The following SREBF1 variants were observed in gnomAD, a reference collection of about 807,000 sequenced individuals.
SREBF1 encodes sterol regulatory element-binding protein 1.
SREBF1 carries 45 observed loss-of-function variants against 100.1 expected under a neutral mutation model. That is an observed-to-expected ratio of 0.45 (90% CI 0.35 to 0.58). SREBF1 has a LOEUF of 0.58. Among genes scored for constraint, SREBF1 ranks in the 20% least tolerant of loss-of-function variants. The pLI is 0.00. For synonymous variants in SREBF1, 657 were observed against 681.8 expected (o/e 0.96, Z 0.57); for missense variants, 1,324 against 1,539.4 (o/e 0.86, Z 2.34).
Position 17,817,315 on chromosome 17 carries a change from G to A in SREBF1, c.1547C>T (p.Ser516Leu). 6.2e-7 allele frequency: 1 copy of A among 1,606,030 alleles called. No individual in the cohort carries two copies. Among genetic ancestry groups the A allele is most frequent in the Non-Finnish European group, 8.5e-7 (1 of 1,177,362 alleles). ...GCTATGGTAGACGCTGGTGGTATCT[G>A]AGGGGCTGGGAAGCCCCCGGGCCCC... ...LLGARGLPSPSDTTSVYHSPG... is the reference protein window; with the variant it reads ...LLGARGLPSPLDTTSVYHSPG... Residue 516 changes from serine (S) to leucine (L), a missense_variant, in exon 8 of 19, where the codon TCA (serine) becomes TTA (leucine). Coordinates refer to ENST00000261646, the MANE Select transcript of SREBF1 (RefSeq NM_004176.5). This position sits in a 1 kb window ranked among gnomAD's most constrained non-coding sequence, Gnocchi z 6.6.
chr17:17,818,776 A>C, intron 5 of SREBF1: 1 of 605,422 alleles, frequency 1.7e-6, no homozygotes, highest in East Asian at 2.8e-5. Flanking sequence ...TTGAGGGACA[A>C]TTTTTGTCTG....
chr17:17,831,596 T>G (rs1429176742), intron 1 of SREBF1, among the ~76,000 whole-genome samples: 1 of 152,140 alleles, frequency 6.6e-6, no homozygotes, highest in Non-Finnish European at 1.5e-5. Flanking sequence ...TCTTCTGCAC[T>G]CATAAGCTTG....
In SREBF1 at chr17:17,813,689, G is replaced by T; in HGVS notation, c.2982C>A (p.Ala994=). 1 of 1,540,144 alleles carries T rather than the reference G, an allele frequency of 6.5e-7. No individual in the cohort carries two copies. The highest frequency in any genetic ancestry group is 8.7e-7 in the Non-Finnish European group (1 of 1,149,310). ...LWRQQQPPAP[A]PAAQGTSSRP... Reference sequence around the variant, plus strand: ...TGCTGCTGGTGCCCTGGGCTGCTGGGGCCGGGGCCGGGGGCTGCTGCTGCC... The same window carrying T: ...TGCTGCTGGTGCCCTGGGCTGCTGGTGCCGGGGCCGGGGGCTGCTGCTGCC... Residue 994 remains alanine, a synonymous_variant, in exon 17 of 19, where the codon GCC becomes GCA. Coordinates refer to ENST00000261646, the MANE Select transcript of SREBF1 (RefSeq NM_004176.5).
chr17:17,831,687 G>T lies in SREBF1; in HGVS notation c.91+5040C>A, dbSNP rs150790448. 5.2e-3 allele frequency among the ~76,000 whole-genome samples: 788 copies of T among 152,214 alleles called. 9 individuals are homozygous for T. Among genetic ancestry groups the T allele is most frequent in the African/African-American group, 0.018 (746 of 41,532 alleles). ...ACAATAATCCCCAACACAGGTACAGGGCCATCTCCTGATCCATCCTCCCCC... is the reference window on the plus strand; with the variant it reads ...ACAATAATCCCCAACACAGGTACAGTGCCATCTCCTGATCCATCCTCCCCC... On this transcript the variant is annotated intron_variant, in intron 1 of 18. Coordinates refer to ENST00000261646, the MANE Select transcript of SREBF1 (RefSeq NM_004176.5).
In SREBF1 at chr17:17,817,382, C is replaced by G. The variant is rs1368020668; in HGVS notation, c.1480G>C (p.Val494Leu). Residue 494 changes from valine (V) to leucine (L), a missense_variant, in exon 8 of 19, where the codon GTC (valine) becomes CTC (leucine). By Grantham distance (32) the Val-to-Leu change is conservative (BLOSUM62 1). Coordinates refer to ENST00000261646, the MANE Select transcript of SREBF1 (RefSeq NM_004176.5). The surrounding 1 kb of genome is among the most constrained non-coding windows in gnomAD (Gnocchi z 6.6). ...DRSRLALCTL[V>L]FLCLSCNPLA... Reference sequence around the variant, plus strand: ...GGGTTGCAGGACAGGCAGAGGAAGACGAGCGTGCACAGGGCCAGGCGGGAG... The same window carrying G: ...GGGTTGCAGGACAGGCAGAGGAAGAGGAGCGTGCACAGGGCCAGGCGGGAG... 3.1e-6 allele frequency: 5 copies of G among 1,606,470 alleles called. No homozygotes were observed. In the South Asian group the frequency reaches 5.5e-5, roughly 18 times the overall value.
At chr17:17,833,757 G>A (rs2035051412) in intron 1 of SREBF1, among the ~76,000 whole-genome samples, 1 of 151,986 alleles carries the variant, frequency 6.6e-6, no homozygotes, top group Admixed American at 6.6e-5. Flanking sequence ...GGCTGAGGTG[G>A]GCAGATCACC....
At chr17:17,814,457 C>A in intron 15 of SREBF1, 47 bp from the exon 16 acceptor site, 1 of 1,546,754 alleles carries the variant, frequency 6.5e-7, no homozygotes, top group Non-Finnish European at 8.7e-7. Context: ...AGTCCACAAG[C>A]CCTGGCTGAG....
chr17:17,823,404 G>C, intron 1 of SREBF1: 1 of 852,306 alleles, frequency 1.2e-6, no homozygotes, highest in Non-Finnish European at 2.0e-6. Flanking sequence ...TCTCCCTCGG[G>C]AAGGGGCTCT....
chr17:17,835,116 G>C lies in SREBF1; in HGVS notation c.91+1611C>G, dbSNP rs564729529. Among the ~76,000 whole-genome samples, 9 of 152,258 alleles carry C rather than the reference G, an allele frequency of 5.9e-5. No individual in the cohort carries two copies. In the East Asian group the frequency reaches 1.7e-3, roughly 29 times the overall value. ...GAAACTAAGGTTTAGAGGGTGAGAG[G>C]GCTTGAGCAGGATGACAAAGGAAGT... is the stretch of plus-strand genomic sequence containing the variant. On this transcript the variant is annotated intron_variant, in intron 1 of 18. Transcript: ENST00000261646.
At chr17:17,815,486 G>A (rs925684025) in intron 12 of SREBF1, 157 bp from the exon 13 acceptor site, 16 of 635,880 alleles carry the variant, frequency 2.5e-5, no homozygotes, top group South Asian at 1.1e-4. Context: ...AGGGGAAAGC[G>A]GGTGGACATA....
intron 11 of SREBF1, 45 bp from the exon 12 acceptor site, chr17:17,816,073 G>T: frequency 6.2e-7 from 1 of 1,602,608 alleles, no homozygotes. Flanking sequence ...ACAGCCTGGG[G>T]CCAGACCCCG....
At chr17:17,813,794 G>A (rs982532852) in intron 16 of SREBF1, 25 bp from the exon 17 acceptor site, 5 of 1,534,876 alleles carry the variant, frequency 3.3e-6, no homozygotes, top group Non-Finnish European at 4.4e-6. Context: ...CAGGGCAGGG[G>A]TCACCAGGGC....
At chr17:17,823,046 C>T (rs373442025) in intron 1 of SREBF1, among the ~76,000 whole-genome samples, 11 of 152,206 alleles carry the variant, frequency 7.2e-5, no homozygotes, top group Non-Finnish European at 1.2e-4. Context: ...TGAGCCTCTT[C>T]GATAGATGGG....
In SREBF1 at chr17:17,814,900, C is replaced by A. The variant is rs984183140; in HGVS notation, c.2537G>T (p.Cys846Phe). The A allele has an allele frequency of 6.3e-7, 1 of 1,581,120 alleles. No homozygotes were observed. Among genetic ancestry groups the A allele is most frequent in the East Asian group, 2.3e-5 (1 of 43,664 alleles). The change falls in exon 14 of 19, where the codon TGT (cysteine) becomes TTT (phenylalanine). Residue 846 changes from cysteine to phenylalanine, a missense_variant. Physicochemically the swap from Cys to Phe is radical, Grantham distance 205 (BLOSUM62 -2). Coordinates refer to ENST00000261646, the MANE Select transcript of SREBF1 (RefSeq NM_004176.5). ...ALGYLQLLNS[C>F]SDAAGAPAYS... Reference sequence around the variant, plus strand: ...GGCAGGAGCCCCCGCAGCATCAGAACAGCTGTTCAGCAGCTGCAGGTACCC... The same window carrying A: ...GGCAGGAGCCCCCGCAGCATCAGAAAAGCTGTTCAGCAGCTGCAGGTACCC...
Position 17,812,517 on chromosome 17 carries a change from G to C in SREBF1, c.*105C>G. The C allele has an allele frequency of 8.3e-7, 1 of 1,198,116 alleles. No homozygotes were observed. The highest frequency in any genetic ancestry group is 1.4e-5 in the South Asian group (1 of 73,424). 74.2% of individuals were successfully genotyped at this position (1,198,116 alleles called of 1,614,324 possible). A position where few individuals can be genotyped will look rare whatever the true frequency, so the allele number is the denominator to read the frequency against. On this transcript the variant is annotated 3_prime_UTR_variant, in exon 19 of 19. Coordinates refer to ENST00000261646, the MANE Select transcript of SREBF1 (RefSeq NM_004176.5). Reference sequence around the variant, plus strand: ...GCCGCAGGTCGAACTGTGGAGGCCAGAGTCTCTTGCACTGCCTTCGGCCTT... The same window carrying C: ...GCCGCAGGTCGAACTGTGGAGGCCACAGTCTCTTGCACTGCCTTCGGCCTT...
intron 1 of SREBF1, among the ~76,000 whole-genome samples, chr17:17,831,846 G>T (rs955496708): frequency 2.6e-5 from 4 of 152,204 alleles, no homozygotes; most frequent in Admixed American, 2.6e-4. Context: ...ACTCATGGAG[G>T]CAGCTCCATC....
chr17:17,814,489 G>C (rs575287529), intron 15 of SREBF1, 79 bp from the exon 16 acceptor site: 32 of 1,539,388 alleles, frequency 2.1e-5, no homozygotes, highest in Admixed American at 5.9e-5. Flanking sequence ...TCCCTGGCTC[G>C]AGTTCCCTGA....
chr17:17,820,179 A>AG lies in SREBF1; in HGVS notation c.433dup (p.Leu145ProfsTer188), dbSNP rs748070220. On this transcript the variant is annotated frameshift_variant, in exon 2 of 19. Transcript: ENST00000261646. LOFTEE classifies it high-confidence loss of function. Reference sequence around the variant, plus strand: ...GGCTGGGGCTGGGAAGCTCTGTGGCAGGAGGGCCCCTGGCAGGGGCTGTGG... The same window carrying AG: ...GGCTGGGGCTGGGAAGCTCTGTGGCAGGGAGGGCCCCTGGCAGGGGCTGTGG... 2.5e-6 allele frequency: 4 copies of AG among 1,613,294 alleles called. No individual in the cohort carries two copies.
chr17:17,823,658 GC>G (rs762386526), intron 1 of SREBF1: 3 of 1,207,270 alleles, frequency 2.5e-6, no homozygotes, highest in Non-Finnish European at 3.4e-6. Context: ...CGGCGCGCCC[GC>G]CCCGCCCCGC....
Sources: allele counts gnomAD v4.1 joint callset (sites outside exome capture counted in the v4.1 genomes callset), GRCh38; gene constraint gnomAD v4.1.1; non-coding constraint Gnocchi (gnomAD v3.1); transcripts MANE v1.5; gene names NCBI Gene and HGNC (gene_info 2026-07-23, HGNC 2026-07-21).